DYRK1A: variants seen among roughly 807,000 people sequenced by gnomAD.
The protein encoded by DYRK1A is dual specificity tyrosine phosphorylation regulated kinase 1A, also known as dual specificity tyrosine-phosphorylation-regulated kinase 1A.
DYRK1A carries 9 observed loss-of-function variants against 79.7 expected under a neutral mutation model. The observed-to-expected ratio is 0.11, with a 90% CI of 0.07 to 0.20. The LOEUF is 0.20. Ranked by LOEUF, DYRK1A falls within the 10% of genes least tolerant of loss-of-function variation. The pLI, the probability that DYRK1A is intolerant of heterozygous loss-of-function variation, is 1.00. For missense variants in DYRK1A, 622 were observed against 956.0 expected, an observed-to-expected ratio of 0.65 and a Z score of 4.61; for synonymous variants, 349 against 329.7, an observed-to-expected ratio of 1.06 and a Z score of -0.63.
chr21:37,417,540 T>TCTTTTTCTTTTTCTTTTTCTTTTC (rs2050377987), intron 1 of DYRK1A, among the ~76,000 whole-genome samples: 1 of 118,370 alleles, frequency 8.4e-6, no homozygotes, highest in African/African-American at 2.9e-5. Context: ...TTTTTTTTTT[T>TCTTTTTCTTTTTCTTTTTCTTTTC]TTTTTTTTTT....
At chr21:37,371,993 A>ATAATT (rs1224495332) in intron 1 of DYRK1A, among the ~76,000 whole-genome samples, 1 of 152,034 alleles carries the variant, frequency 6.6e-6, no homozygotes, top group Non-Finnish European at 1.5e-5. Flanking sequence ...ATATTATTTG[A>ATAATT]TAATATAGAG....
chr21:37,428,776 A>C (rs527377705), intron 2 of DYRK1A: 4 of 152,338 alleles, frequency 2.6e-5, no homozygotes, highest in African/African-American at 9.6e-5. Flanking sequence ...TTGATATAAA[A>C]AGTTATCATT....
At chr21:37,374,987 A>G in intron 1 of DYRK1A, 1 of 152,254 alleles carries the variant, frequency 6.6e-6, no homozygotes, top group East Asian at 1.9e-4. Context: ...TCAGTGCCTC[A>G]GAATAAGCAG....
intron 1 of DYRK1A, among the ~76,000 whole-genome samples, chr21:37,406,741 A>ATATATTTC (rs1555956319): frequency 3.4e-5 from 5 of 147,456 alleles, no homozygotes; most frequent in Non-Finnish European, 7.4e-5. Flanking sequence ...GTATATCTCT[A>ATATATTTC]TATATCTCTA....
chr21:37,464,311 T>C (rs2148535100), intron 2 of DYRK1A: 1 of 500,840 alleles, frequency 2.0e-6, no homozygotes, highest in Admixed American at 2.1e-5. Context: ...CTAGTTATTA[T>C]AGTTCCTTGC....
chr21:37,480,472 A>G (rs1398926281), intron 4 of DYRK1A, among the ~76,000 whole-genome samples, 166 bp from the exon 5 acceptor site: 1 of 152,264 alleles, frequency 6.6e-6, no homozygotes, highest in Non-Finnish European at 1.5e-5. Flanking sequence ...TAAACAGTAT[A>G]ACTATAATGA....
intron 9 of DYRK1A, chr21:37,502,470 A>AGTTTACCTTCAAATAATAATATATTGCTT (rs1249090537): frequency 6.6e-6 from 1 of 152,182 alleles, no homozygotes; most frequent in African/African-American, 2.4e-5. Context: ...GTTTAACATT[A>AGTTTACCTTCAAATAATAATATATTGCTT]GTTTACCTTC....
In DYRK1A at chr21:37,505,276, C is replaced by CT; in HGVS notation, c.1213-5dup. On this transcript the variant is annotated splice_polypyrimidine_tract_variant and splice_region_variant and intron_variant, in intron 9 of 11. Transcript: ENST00000647188. ...TTAGAGAAAGCCTTTCATCTTCTCT[C>CT]TTACAGGAGTACAAACCACCAGGAA... 4 of 1,602,014 alleles carry CT rather than the reference C, an allele frequency of 2.5e-6. No individual in the cohort carries two copies. The highest frequency in any genetic ancestry group is 3.4e-6 in the Non-Finnish European group (4 of 1,172,058).
chr21:37,474,641 C>T (rs1288439397), intron 3 of DYRK1A, among the ~76,000 whole-genome samples: 1 of 152,204 alleles, frequency 6.6e-6, no homozygotes. Flanking sequence ...GTCAAATTGG[C>T]ACCTCCGACT....
intron 11 of DYRK1A, among the ~76,000 whole-genome samples, chr21:37,507,300 T>C (rs2053625397): frequency 6.6e-6 from 1 of 152,240 alleles, no homozygotes; most frequent in Non-Finnish European, 1.5e-5. Context: ...CTTTGCCCTT[T>C]GGTCTCCCTC....
At chr21:37,399,729 A>G (rs2050020621) in intron 1 of DYRK1A, among the ~76,000 whole-genome samples, 1 of 152,150 alleles carries the variant, frequency 6.6e-6, no homozygotes, top group Admixed American at 6.5e-5. Flanking sequence ...CTGTCTTTCT[A>G]AAGCTTGAAG....
At chr21:37,487,292 C>T (rs2052905535) in intron 6 of DYRK1A, 1 of 152,176 alleles carries the variant, frequency 6.6e-6, no homozygotes, top group African/African-American at 2.4e-5. Flanking sequence ...CTTCTGCCTA[C>T]TCCAAAGTCT....
chr21:37,403,793 A>G (rs146599034), intron 1 of DYRK1A, among the ~76,000 whole-genome samples: 20 of 147,680 alleles, frequency 1.4e-4, no homozygotes, highest in African/African-American at 4.9e-4. Flanking sequence ...CTTTTGATGA[A>G]TACTGTTTTT....
chr21:37,496,436 T>C (rs1294302365), intron 9 of DYRK1A, among the ~76,000 whole-genome samples, 178 bp downstream of exon 9: 7 of 152,246 alleles, frequency 4.6e-5, no homozygotes, highest in Admixed American at 6.5e-5. Context: ...CTATCAGGTA[T>C]GGACCAGTGT....
chr21:37,439,996 A>G (rs572698754), intron 2 of DYRK1A, among the ~76,000 whole-genome samples: 2 of 151,902 alleles, frequency 1.3e-5, no homozygotes, highest in African/African-American at 4.8e-5. Flanking sequence ...AATAGTTACA[A>G]TTTTGTTTAG....
chr21:37,505,305 G>A lies in DYRK1A; in HGVS notation c.1235G>A (p.Arg412His), dbSNP rs202011970. 3.1e-6 allele frequency: 5 copies of A among 1,612,500 alleles called. No individual in the cohort carries two copies. Among genetic ancestry groups the A allele is most frequent in the Non-Finnish European group, 4.2e-6 (5 of 1,178,724 alleles). The change falls in exon 10 of 12, where the codon CGT becomes CAT. Residue 412 changes from arginine to histidine, a missense_variant. Coordinates refer to ENST00000647188, the MANE Select transcript of DYRK1A (RefSeq NM_001347721.2). ...CAGGAGTACAAACCACCAGGAACCC[G>A]TAAACTTCATAACATTCTTGGAGTG... ...GKREYKPPGT[R>H]KLHNILGVET...
chr21:37,453,854 A>T lies in DYRK1A; in HGVS notation c.11-18830A>T, dbSNP rs141596556. ...AAAATAGGAAAAGTCTTATTGGTGT[A>T]TCTCAACATCTTTACTTTGGTATCA... On this transcript the variant is annotated intron_variant, in intron 2 of 11. Transcript: ENST00000647188. 2.6e-3 allele frequency among the ~76,000 whole-genome samples: 403 copies of T among 152,302 alleles called. 6 individuals are homozygous for T. In the East Asian group the frequency reaches 0.03, roughly 11 times the overall value.
At position 37,458,304 on chromosome 21, in the gene DYRK1A, G is replaced by GTGTGTGTGTGTA. The variant is rs1366699533; in HGVS notation, c.11-14377_11-14376insGTGTGTGTATGT. Among the ~76,000 whole-genome samples the GTGTGTGTGTGTA allele has an allele frequency of 9.2e-3, 1,393 of 150,678 alleles. 22 individuals are homozygous for GTGTGTGTGTGTA. The highest frequency in any genetic ancestry group is 0.017 in the Middle Eastern group (5 of 288). On this transcript the variant is annotated intron_variant, in intron 2 of 11. Transcript: ENST00000647188. ...TGTGTGTGTGTGTGTGTGTGTGTGT[G>GTGTGTGTGTGTA]TGTACATATACATATGTATTATATT...
rs1601351361 is a variant in DYRK1A, at chr21:37,524,651, C to T, written c.*12120C>T. Reference sequence around the variant, plus strand: ...AAGGCAAATGGTTTTGAGTGGTTTCCCCTGACTCTCATGACAGGGGTCACC... The same window carrying T: ...AAGGCAAATGGTTTTGAGTGGTTTCTCCTGACTCTCATGACAGGGGTCACC... On this transcript the variant is annotated 3_prime_UTR_variant, in exon 12 of 12. Coordinates refer to ENST00000647188, the MANE Select transcript of DYRK1A (RefSeq NM_001347721.2). The T allele has an allele frequency of 6.6e-6, 1 of 152,172 alleles. No homozygotes were observed. The highest frequency in any genetic ancestry group is 1.5e-5 in the Non-Finnish European group (1 of 68,032). The allele number at this position is 152,172 out of a possible 1,614,324, so 9.4% of individuals were successfully genotyped here.
Sources: allele counts gnomAD v4.1 joint callset (sites outside exome capture counted in the v4.1 genomes callset), GRCh38; gene constraint gnomAD v4.1.1; transcripts MANE v1.5; gene names NCBI Gene and HGNC (gene_info 2026-07-23, HGNC 2026-07-21).